Variants in FGF2 observed in about 807,000 individuals in gnomAD.
FGF2 encodes the protein fibroblast growth factor 2, also known as basic fibroblast growth factor bFGF.
Under a neutral mutation model 15.9 loss-of-function variants are expected in FGF2, and 13 were observed. The ratio of observed to expected loss-of-function variants is 0.82; its 90% CI spans 0.53 to 1.30. The LOEUF is 1.30. Among genes scored for constraint, FGF2 ranks in the 50% most tolerant of loss-of-function variants. FGF2 has a pLI of 0.00. For missense variants in FGF2, 163 were observed against 196.9 expected, an observed-to-expected ratio of 0.83 and a Z score of 1.03; for synonymous variants, 90 against 78.4, an observed-to-expected ratio of 1.15 and a Z score of -0.78.
intron 1 of FGF2, among the ~76,000 whole-genome samples, chr4:122,853,655 ACTC>A (rs33948716): frequency 0.41 from 61,702 of 151,598 alleles, 16,569 homozygotes; most frequent in African/African-American, 0.78. Flanking sequence ...TCACCACACT[ACTC>A]CTGCTGCACT....
chr4:122,891,261 C>T (rs1393207663), intron 2 of FGF2, among the ~76,000 whole-genome samples: 4 of 151,648 alleles, frequency 2.6e-5, no homozygotes, highest in Admixed American at 6.6e-5. Context: ...AAGATGGTCT[C>T]GATCTCCTGA....
In FGF2 at chr4:122,837,066, T is replaced by C. The variant is rs73844937; in HGVS notation, c.178+9714T>C. 7.3e-3 allele frequency among the ~76,000 whole-genome samples: 1,111 copies of C among 152,290 alleles called. 9 individuals are homozygous for C. Among genetic ancestry groups the C allele is most frequent in the African/African-American group, 0.025 (1,032 of 41,542 alleles). Reference sequence around the variant, plus strand: ...CAGTGAATCATTGTAAAAGTTAGTATTGGGGACTGTCTGGTACCATTGTTA... The same window carrying C: ...CAGTGAATCATTGTAAAAGTTAGTACTGGGGACTGTCTGGTACCATTGTTA... On this transcript the variant is annotated intron_variant, in intron 1 of 2. Transcript: ENST00000644866.
intron 1 of FGF2, among the ~76,000 whole-genome samples, chr4:122,836,981 C>T (rs1725879364): frequency 2.0e-5 from 3 of 152,200 alleles, no homozygotes; most frequent in South Asian, 2.1e-4. Flanking sequence ...GGAATTCATA[C>T]CTGATTCAGA....
At chr4:122,874,361 C>T (rs903870519) in intron 1 of FGF2, among the ~76,000 whole-genome samples, 85 of 152,190 alleles carry the variant, frequency 5.6e-4, no homozygotes, top group African/African-American at 1.9e-3. Flanking sequence ...CCTTTTACTT[C>T]GTATTATCTT....
At chr4:122,867,457 A>G (rs1336077861) in intron 1 of FGF2, among the ~76,000 whole-genome samples, 2 of 152,174 alleles carry the variant, frequency 1.3e-5, no homozygotes, top group Admixed American at 6.5e-5. Flanking sequence ...CAGTAGGCAA[A>G]TTGCCATAGA....
chr4:122,891,021 C>T (rs1411749626), intron 2 of FGF2, among the ~76,000 whole-genome samples: 6 of 94,738 alleles, frequency 6.3e-5, no homozygotes, highest in East Asian at 4.5e-4. Flanking sequence ...AACAATTTAT[C>T]TTTTTTTTTT....
rs922383938 is a variant in FGF2, at chr4:122,834,462, A to T, written c.178+7110A>T. On this transcript the variant is annotated intron_variant, in intron 1 of 2. Transcript: ENST00000644866. ...GATTCTGCCCTCAGTATTCCACTTAAATCATTCTTATGAGAGCACCAGTAG... is the reference window on the plus strand; with the variant it reads ...GATTCTGCCCTCAGTATTCCACTTATATCATTCTTATGAGAGCACCAGTAG... Among the ~76,000 whole-genome samples the T allele has an allele frequency of 3.3e-5, 5 of 152,256 alleles. No individual in the cohort carries two copies. The East Asian group carries it at 9.6e-4, about 29-fold the overall frequency.
At chr4:122,885,913 C>CT (rs11310783) in intron 2 of FGF2, among the ~76,000 whole-genome samples, 7,098 of 84,262 alleles carry the variant, frequency 0.084, 498 homozygotes, top group African/African-American at 0.21. Flanking sequence ...TTTTTTTTTC[C>CT]TTTTTTTTTT....
In FGF2 at chr4:122,876,326, C is replaced by G. The variant is rs781402344; in HGVS notation, c.184C>G (p.Leu62Val). Reference sequence around the variant, plus strand: ...AATTTTTTTTCCCGTTACAGTCAAGCTACAACTTCAAGCAGAAGAGAGAGG... The same window carrying G: ...AATTTTTTTTCCCGTTACAGTCAAGGTACAACTTCAAGCAGAAGAGAGAGG... ...VREKSDPHIK[L>V]QLQAEERGVV... is the part of the protein sequence containing the mutation. Residue 62 changes from leucine (L) to valine (V), a missense_variant, in exon 2 of 3, where the codon CTA becomes GTA. Coordinates refer to ENST00000644866, the MANE Select transcript of FGF2 (RefSeq NM_001361665.2). 18 of 1,605,888 alleles carry G rather than the reference C, an allele frequency of 1.1e-5. No homozygotes were observed. The highest frequency in any genetic ancestry group is 1.5e-5 in the Non-Finnish European group (18 of 1,172,732).
At chr4:122,844,103 G>A (rs768077674) in intron 1 of FGF2, among the ~76,000 whole-genome samples, 188 of 152,250 alleles carry the variant, frequency 1.2e-3, no homozygotes, top group Admixed American at 4.8e-3. Flanking sequence ...AAAATTAGAG[G>A]CAAACTCTTC....
intron 1 of FGF2, among the ~76,000 whole-genome samples, chr4:122,840,098 T>G (rs79995549): frequency 0.019 from 2,949 of 152,246 alleles, 106 homozygotes; most frequent in African/African-American, 0.065. Context: ...CATTTTAACG[T>G]AATCACATCT....
At chr4:122,867,523 T>G (rs1337012460) in intron 1 of FGF2, among the ~76,000 whole-genome samples, 3 of 152,182 alleles carry the variant, frequency 2.0e-5, no homozygotes, top group Non-Finnish European at 1.5e-5. Flanking sequence ...ATTTTTTTAA[T>G]TTTTTAGAGA....
At position 122,826,978 on chromosome 4, in the gene FGF2, G is replaced by A. The variant is rs1162972725; in HGVS notation, c.-197G>A. On this transcript the variant is annotated 5_prime_UTR_variant, in exon 1 of 3. Coordinates refer to ENST00000644866, the MANE Select transcript of FGF2 (RefSeq NM_001361665.2). ...GCCGGCTCGCCGCGCACCAGGGGCC[G>A]GCGGACAGAAGAGCGGCCGAGCGGC... The A allele has an allele frequency of 1.1e-5, 15 of 1,309,126 alleles. No homozygotes were observed. Among genetic ancestry groups the A allele is most frequent in the African/African-American group, 1.5e-5 (1 of 65,526 alleles). The allele number at this position is 1,309,126 out of a possible 1,614,324, so 81.1% of individuals were successfully genotyped here.
chr4:122,846,188 G>T (rs1294367566), intron 1 of FGF2, among the ~76,000 whole-genome samples: 2 of 152,256 alleles, frequency 1.3e-5, no homozygotes, highest in East Asian at 3.9e-4. Context: ...TCTTATATGG[G>T]TGTAGTTTGT....
intron 1 of FGF2, among the ~76,000 whole-genome samples, chr4:122,849,400 A>G (rs912238988): frequency 5.3e-5 from 8 of 152,004 alleles, no homozygotes; most frequent in African/African-American, 1.7e-4. Flanking sequence ...GAGTTGAACA[A>G]TGAGAACACA....
At chr4:122,861,735 TC>T (rs1210329063) in intron 1 of FGF2, among the ~76,000 whole-genome samples, 3 of 151,988 alleles carry the variant, frequency 2.0e-5, no homozygotes, top group Non-Finnish European at 4.4e-5. Context: ...CCTCATTTAG[TC>T]CCCCATACCC....
At chr4:122,876,565 CTTTAT>C (rs1315090624) in intron 2 of FGF2, 141 bp downstream of exon 2, 9 of 698,644 alleles carry the variant, frequency 1.3e-5, no homozygotes, top group Non-Finnish European at 2.3e-5. Flanking sequence ...GGAGTATTTT[CTTTAT>C]TTCACAGATG....
At chr4:122,847,168 C>T (rs180938066) in intron 1 of FGF2, among the ~76,000 whole-genome samples, 22 of 152,338 alleles carry the variant, frequency 1.4e-4, no homozygotes, top group Admixed American at 3.3e-4. Flanking sequence ...ACTGTCTATT[C>T]TAAGGCAAAG....
intron 2 of FGF2, among the ~76,000 whole-genome samples, chr4:122,877,405 G>C (rs538183003): frequency 3.0e-4 from 46 of 152,282 alleles, no homozygotes; most frequent in African/African-American, 1.0e-3. Context: ...GAGCCACCGT[G>C]CCTGGCTGTA....
Sources: gnomAD v4.1 joint callset for allele counts (sites outside exome capture counted in the v4.1 genomes callset) on GRCh38, gnomAD v4.1.1 for gene constraint, MANE v1.5 for transcripts, NCBI Gene and HGNC (gene_info 2026-07-23, HGNC 2026-07-21) for gene names.